The following SFI1 variants were observed in gnomAD, a reference collection of about 807,000 sequenced individuals.
SFI1 encodes SFI1 centrin binding protein.
In SFI1, 195 loss-of-function variants were observed where a neutral mutation model predicts 207.5. The ratio of observed to expected loss-of-function variants is 0.94; its 90% CI spans 0.84 to 1.06. The LOEUF is 1.06. Among genes scored for constraint, SFI1 ranks in the 50% least tolerant of loss-of-function variants. The probability of loss-of-function intolerance (pLI) is 0.00; values close to 1 mark genes in which losing one functional copy is unlikely to be tolerated. For synonymous variants in SFI1, 630 were observed against 598.9 expected (o/e 1.05, Z -0.76); for missense variants, 1,634 against 1,588.0 (o/e 1.03, Z -0.49).
chr22:31,615,431 C>A, intron 29 of SFI1, 152 bp downstream of exon 29: 1 of 647,798 alleles, frequency 1.5e-6, no homozygotes, highest in Non-Finnish European at 2.4e-6. Flanking sequence ...CCACTGCACA[C>A]CAGGTCCAAG....
chr22:31,565,533 CAAA>C (rs532600236), intron 8 of SFI1, among the ~76,000 whole-genome samples: 2 of 116,304 alleles, frequency 1.7e-5, no homozygotes, highest in Admixed American at 9.1e-5. Context: ...CCCATCTCTA[CAAA>C]AAAAAAAAAA....
chr22:31,591,389 C>T (rs968187887), intron 15 of SFI1, among the ~76,000 whole-genome samples: 2 of 152,220 alleles, frequency 1.3e-5, no homozygotes, highest in Non-Finnish European at 2.9e-5. Flanking sequence ...ACACGGCAAC[C>T]ATCCGACCTC....
chr22:31,598,716 C>CTTTTTTTTT (rs71184513), intron 15 of SFI1, among the ~76,000 whole-genome samples: 2,415 of 26,824 alleles, frequency 0.09, 845 homozygotes, highest in Non-Finnish European at 0.11. Context: ...TGCGCCTGGC[C>CTTTTTTTTT]TTTTTTTTTT....
At chr22:31,584,094 G>A in intron 13 of SFI1, 122 bp downstream of exon 13, 1 of 806,694 alleles carries the variant, frequency 1.2e-6, no homozygotes, top group East Asian at 2.5e-5. Flanking sequence ...GCCTGCTGGG[G>A]TGGAGGTCCT....
At position 31,584,918 on chromosome 22, in the gene SFI1, T is replaced by C. The variant is rs112130745; in HGVS notation, c.1347-150T>C. The C allele has an allele frequency of 5.9e-6, 3 of 511,886 alleles. No individual in the cohort carries two copies. In the East Asian group the frequency reaches 9.4e-5, roughly 16 times the overall value. 31.7% of individuals were successfully genotyped at this position (511,886 alleles called of 1,614,324 possible). On this transcript the variant is annotated intron_variant, in intron 13 of 32. Transcript: ENST00000400288. ...AGGTTGACAAATTTTATATTAGATA[T>C]CAGGTTCTTATTGCCGTCTCTCCTA...
chr22:31,527,976 C>T (rs1205259829), intron 2 of SFI1, among the ~76,000 whole-genome samples: 5 of 151,794 alleles, frequency 3.3e-5, no homozygotes, highest in South Asian at 2.1e-4. Flanking sequence ...TAGCTGGGCA[C>T]GGTAGTGGGT....
At chr22:31,598,855 A>G (rs201334280) in intron 15 of SFI1, among the ~76,000 whole-genome samples, 4 of 116,178 alleles carry the variant, frequency 3.4e-5, no homozygotes, top group East Asian at 2.7e-4. Flanking sequence ...GTGCAGTGGC[A>G]CGATCTCAGC....
At chr22:31,518,385 C>A (rs1005759343) in intron 2 of SFI1, among the ~76,000 whole-genome samples, 5 of 152,016 alleles carry the variant, frequency 3.3e-5, no homozygotes, top group Admixed American at 3.3e-4. Context: ...CTCCATTTTG[C>A]CTATAAAATT....
At chr22:31,561,855 C>A (rs1381679351) in intron 8 of SFI1, among the ~76,000 whole-genome samples, 3 of 152,108 alleles carry the variant, frequency 2.0e-5, no homozygotes, top group Admixed American at 2.0e-4. Context: ...TGGCTAAGGC[C>A]TGTACTAAAA....
intron 15 of SFI1, among the ~76,000 whole-genome samples, chr22:31,595,553 G>C (rs937550463): frequency 6.6e-6 from 1 of 152,212 alleles, no homozygotes; most frequent in South Asian, 2.1e-4. Context: ...TCAAGAGGAA[G>C]ATCTTTTTGA....
chr22:31,618,414 G>A lies in SFI1; in HGVS notation c.3725G>A (p.Cys1242Tyr), dbSNP rs1361744703. 1.3e-6 allele frequency: 2 copies of A among 1,578,192 alleles called. No individual in the cohort carries two copies. The highest frequency in any genetic ancestry group is 2.3e-5 in the South Asian group (2 of 88,330). Residue 1242 changes from cysteine (C) to tyrosine (Y), a missense_variant, in exon 33 of 33, where the codon TGC (cysteine) becomes TAC (tyrosine). Physicochemically the swap from Cys to Tyr is radical, Grantham distance 194. Transcript: ENST00000400288. ...ARIQALRQAL[C>Y] The stretch of plus-strand genomic sequence containing the variant: ...ATCCAGGCCCTGCGGCAGGCCCTGT[G>A]CTAGCGTGTTCGCACCAGGAACGCA...
chr22:31,510,709 C>T (rs772735184), intron 2 of SFI1, among the ~76,000 whole-genome samples: 1 of 152,206 alleles, frequency 6.6e-6, no homozygotes, highest in African/African-American at 2.4e-5. Flanking sequence ...ACTGGGATTA[C>T]AGGCATGAGC....
At chr22:31,552,147 T>A (rs2060684482) in intron 6 of SFI1, among the ~76,000 whole-genome samples, 1 of 152,210 alleles carries the variant, frequency 6.6e-6, no homozygotes, top group Non-Finnish European at 1.5e-5. Context: ...TTTCTGTTTC[T>A]GAGTTAGTTC....
chr22:31,556,913 C>T (rs1250975905), intron 6 of SFI1, 29 bp from the exon 7 acceptor site: 1 of 1,519,708 alleles, frequency 6.6e-7, no homozygotes, highest in Non-Finnish European at 9.0e-7. Context: ...CTCCCCATGC[C>T]TTTTGAAAAA....
chr22:31,516,729 C>T (rs1253705358), intron 2 of SFI1, among the ~76,000 whole-genome samples: 3 of 150,270 alleles, frequency 2.0e-5, no homozygotes, highest in African/African-American at 4.9e-5. Context: ...CTGAGGTGGG[C>T]GGATCACCTG....
rs1041637168 is a variant in SFI1 at position 31,616,845 on chromosome 22, C to T, written c.3401C>T (p.Ala1134Val). Residue 1134 changes from alanine (A) to valine (V), a missense_variant, in exon 30 of 33, where the codon GCC becomes GTC. Transcript: ENST00000400288. ...CTACTCCTTCCTGGGGACTTCTCAGCCACCAGGGCTGGGCCTGGACTTTCA... is the reference window on the plus strand; with the variant it reads ...CTACTCCTTCCTGGGGACTTCTCAGTCACCAGGGCTGGGCCTGGACTTTCA... ...PHLLLPGDFS[A>V]TRAGPGLSTA... 1.9e-6 allele frequency: 3 copies of T among 1,612,756 alleles called. No homozygotes were observed. Among genetic ancestry groups the T allele is most frequent in the African/African-American group, 2.7e-5 (2 of 74,910 alleles).
intron 28 of SFI1, 52 bp from the exon 29 acceptor site, chr22:31,614,996 C>T: frequency 6.3e-7 from 1 of 1,587,538 alleles, no homozygotes; most frequent in Non-Finnish European, 8.6e-7. Flanking sequence ...GTTCTTTGGT[C>T]CCAGAGGAGG....
intron 14 of SFI1, chr22:31,587,387 A>C (rs1439971988): frequency 3.1e-6 from 1 of 320,840 alleles, no homozygotes; most frequent in South Asian, 2.6e-5. Context: ...CTGCAGCCTC[A>C]CTCTCCCCAG....
chr22:31,528,336 A>G (rs1343970043), intron 2 of SFI1, among the ~76,000 whole-genome samples: 3 of 151,614 alleles, frequency 2.0e-5, no homozygotes, highest in African/African-American at 7.3e-5. Context: ...AGATGGGAGG[A>G]TCACTTGAGC....
Sources: allele counts gnomAD v4.1 joint callset (sites outside exome capture counted in the v4.1 genomes callset), GRCh38; gene constraint gnomAD v4.1.1; transcripts MANE v1.5; gene names NCBI Gene and HGNC (gene_info 2026-07-23, HGNC 2026-07-21).